RCOR3: variants seen among roughly 807,000 people sequenced by gnomAD.
The protein encoded by RCOR3 is REST corepressor 3.
A neutral mutation model predicts 64.1 loss-of-function variants in RCOR3; 13 were observed. That is an observed-to-expected ratio of 0.20 (90% confidence interval 0.13 to 0.32). The LOEUF (loss-of-function observed/expected upper bound fraction) is 0.32. Ranked by LOEUF, RCOR3 falls within the 10% of genes least tolerant of loss-of-function variation. RCOR3 has a pLI of 1.00. For missense variants in RCOR3, 489 were observed against 701.2 expected (o/e 0.70, Z 3.42); for synonymous variants, 215 against 239.0 (o/e 0.90, Z 0.93).
At chr1:211,274,340 C>T in intron 4 of RCOR3, 78 bp downstream of exon 4, 1 of 1,031,052 alleles carries the variant, frequency 9.7e-7, no homozygotes, top group Non-Finnish European at 1.5e-6. Flanking sequence ...TAGTTTCTGT[C>T]CTAACAGCGT....
At chr1:211,260,059 TTTTC>T in intron 1 of RCOR3, 45 bp from the exon 2 acceptor site, 1 of 1,515,796 alleles carries the variant, frequency 6.6e-7, no homozygotes, top group Non-Finnish European at 8.8e-7. Context: ...TTTTTCTTTC[TTTTC>T]TTCTTTTTTA....
chr1:211,300,071 C>CTTTTTTTTT (rs11419492), intron 9 of RCOR3, among the ~76,000 whole-genome samples: 14 of 121,266 alleles, frequency 1.2e-4, no homozygotes, highest in Non-Finnish European at 1.8e-4. Context: ...TTCTTTCTTT[C>CTTTTTTTTT]TTTTTTTTTT....
intron 7 of RCOR3, among the ~76,000 whole-genome samples, chr1:211,283,604 A>G (rs78042475): frequency 2.2e-3 from 342 of 152,188 alleles, no homozygotes; most frequent in African/African-American, 7.7e-3. Context: ...ATGTTTTTCT[A>G]TCTGTTTATT....
In RCOR3 at chr1:211,271,329, A is replaced by G. The variant is rs1042002237; in HGVS notation, c.301+20A>G. The G allele has an allele frequency of 3.8e-6, 6 of 1,597,486 alleles. No individual in the cohort carries two copies. Among genetic ancestry groups the G allele is most frequent in the Non-Finnish European group, 5.1e-6 (6 of 1,165,222 alleles). On this transcript the variant is annotated intron_variant, in intron 3 of 11. Coordinates refer to ENST00000419091, the MANE Select transcript of RCOR3 (RefSeq NM_001136223.3). ...CCAAATGTAAGTTTTCTGAAGTTGA[A>G]TGTTAATGTCAGCAGGAGTTTATCA...
At chr1:211,277,851 G>A (rs907703248) in intron 5 of RCOR3, among the ~76,000 whole-genome samples, 5 of 152,216 alleles carry the variant, frequency 3.3e-5, no homozygotes, top group African/African-American at 7.2e-5. Flanking sequence ...ACATGGCTGC[G>A]CTGGGAACTT....
chr1:211,259,623 C>T lies in RCOR3; in HGVS notation c.63C>T (p.Ser21=), dbSNP rs1436807582. 1.9e-6 allele frequency: 3 copies of T among 1,547,676 alleles called. No homozygotes were observed. The Admixed American group carries it at 5.9e-5, about 30-fold the overall frequency. The stretch of plus-strand genomic sequence containing the variant: ...GGAAGAACCGATCGGCCAACGGCAG[C>T]GCCAAGAGCCCGGCAGGCGGCGGCG... ...LLGKNRSANG[S]AKSPAGGGGS... is the part of the protein sequence containing the mutation. Residue 21 remains serine (S), a synonymous_variant, in exon 1 of 12, where the codon AGC becomes AGT. Coordinates refer to ENST00000419091, the MANE Select transcript of RCOR3 (RefSeq NM_001136223.3).
intron 7 of RCOR3, among the ~76,000 whole-genome samples, chr1:211,283,888 T>A (rs911708966): frequency 6.6e-6 from 1 of 151,868 alleles, no homozygotes. Flanking sequence ...AAGTTTTTTC[T>A]TATTGAATTC....
At chr1:211,275,226 T>C (rs1436907699) in intron 4 of RCOR3, among the ~76,000 whole-genome samples, 1 of 151,998 alleles carries the variant, frequency 6.6e-6, no homozygotes, top group Non-Finnish European at 1.5e-5. Context: ...AAAGGTAAAT[T>C]ATCTGTAACC....
intron 2 of RCOR3, among the ~76,000 whole-genome samples, chr1:211,269,600 A>G (rs959815056): frequency 6.6e-6 from 1 of 152,162 alleles, no homozygotes; most frequent in African/African-American, 2.4e-5. Flanking sequence ...TTCATCTCAA[A>G]AAAAAAAGTG....
intron 2 of RCOR3, 86 bp from the exon 3 acceptor site, chr1:211,271,146 C>A: frequency 3.3e-6 from 4 of 1,213,642 alleles, no homozygotes; most frequent in South Asian, 1.3e-5. Context: ...CATGAGCCAC[C>A]GTGCCTGGGC....
chr1:211,277,089 AAAAAAAACAAAAAAAAC>A (rs1422280775), intron 5 of RCOR3, among the ~76,000 whole-genome samples: 3 of 150,574 alleles, frequency 2.0e-5, no homozygotes, highest in East Asian at 1.9e-4. Context: ...CTGTCTCAAA[AAAAAAAACAAAAAAAAC>A]AAAAAAACAA....
chr1:211,291,490 A>G (rs1236968233), intron 8 of RCOR3: 3 of 444,696 alleles, frequency 6.7e-6, no homozygotes, highest in Admixed American at 5.1e-5. Context: ...GGAATACTCA[A>G]CCTGGATATG....
At chr1:211,260,286 C>A in intron 2 of RCOR3, 122 bp downstream of exon 2, 1 of 818,866 alleles carries the variant, frequency 1.2e-6, no homozygotes, top group South Asian at 1.6e-5. Flanking sequence ...GGCAGGCATC[C>A]GTGGCGGGGA....
At chr1:211,304,451 C>T (rs1283715310) in intron 10 of RCOR3, among the ~76,000 whole-genome samples, 1 of 152,180 alleles carries the variant, frequency 6.6e-6, no homozygotes, top group Non-Finnish European at 1.5e-5. Context: ...TGGGTTCGTT[C>T]TTACTATATA....
At chr1:211,261,185 T>C (rs1416565306) in intron 2 of RCOR3, 1 of 152,228 alleles carries the variant, frequency 6.6e-6, no homozygotes, top group Non-Finnish European at 1.5e-5. Context: ...ATGTTAGATA[T>C]TAAAGAGCTT....
At chr1:211,298,900 G>A (rs1206668390) in intron 9 of RCOR3, among the ~76,000 whole-genome samples, 16 of 152,064 alleles carry the variant, frequency 1.1e-4, no homozygotes, top group African/African-American at 2.9e-4. Flanking sequence ...CCAGCTACTC[G>A]GGAGGCTGAG....
At position 211,289,222 on chromosome 1, in the gene RCOR3, A is replaced by T; in HGVS notation, c.765A>T (p.Gly255=). 4 of 1,614,092 alleles carry T rather than the reference A, an allele frequency of 2.5e-6. No homozygotes were observed. The highest frequency in any genetic ancestry group is 3.4e-6 in the Non-Finnish European group (4 of 1,180,006). Reference sequence around the variant, plus strand: ...TCCAAACTAGCAAGATTGGACTTGGAAGAAGAGAGTATCAGAGTTTACAAC... The same window carrying T: ...TCCAAACTAGCAAGATTGGACTTGGTAGAAGAGAGTATCAGAGTTTACAAC... ...QPVQTSKIGL[G]RREYQSLQHR... Residue 255 remains glycine, a synonymous_variant, in exon 8 of 12, where the codon GGA becomes GGT. Coordinates refer to ENST00000419091, the MANE Select transcript of RCOR3 (RefSeq NM_001136223.3).
At chr1:211,295,994 G>C (rs1385629995) in intron 9 of RCOR3, among the ~76,000 whole-genome samples, 1 of 152,086 alleles carries the variant, frequency 6.6e-6, no homozygotes, top group Non-Finnish European at 1.5e-5. Context: ...AACAATTAGG[G>C]AAAATAGTAG....
intron 5 of RCOR3, among the ~76,000 whole-genome samples, chr1:211,276,826 G>A (rs1401086651): frequency 1.3e-5 from 2 of 151,972 alleles, no homozygotes; most frequent in African/African-American, 2.4e-5. Flanking sequence ...GGTGGCTCAC[G>A]CCTGTAATCC....
Sources: gnomAD v4.1 joint callset for allele counts (sites outside exome capture counted in the v4.1 genomes callset) on GRCh38, gnomAD v4.1.1 for gene constraint, MANE v1.5 for transcripts, NCBI Gene and HGNC (gene_info 2026-07-23, HGNC 2026-07-21) for gene names.